The following NR2F1-AS1 variants were observed in gnomAD, a reference collection of about 807,000 sequenced individuals.
The protein encoded by NR2F1-AS1 is NR2F1 antisense RNA 1.
At chr5:93,551,688 T>C (rs1164718560) in intron 4 of NR2F1-AS1, among the ~76,000 whole-genome samples, 3 of 152,128 alleles carry the variant, frequency 2.0e-5, no homozygotes, top group Admixed American at 2.0e-4. Context: ...CTTTTCCAAC[T>C]TTAGACTGAT....
chr5:93,410,048 C>T (rs1748821018), intron 4 of NR2F1-AS1: 3 of 152,314 alleles, frequency 2.0e-5, no homozygotes, highest in Admixed American at 2.0e-4. Context: ...ATAGACACTA[C>T]ATAAAATGTC....
chr5:93,574,057 G>T (rs551620232), intron 1 of NR2F1-AS1, among the ~76,000 whole-genome samples: 2 of 152,342 alleles, frequency 1.3e-5, no homozygotes, highest in South Asian at 4.1e-4. Flanking sequence ...CAGCTCCATT[G>T]TCTGCAATTA....
chr5:93,496,423 T>C (rs1195295138), intron 4 of NR2F1-AS1, among the ~76,000 whole-genome samples: 1 of 152,296 alleles, frequency 6.6e-6, no homozygotes, highest in South Asian at 2.1e-4. Context: ...TTGGCCCTTG[T>C]AGAAGGACAC....
intron 4 of NR2F1-AS1, among the ~76,000 whole-genome samples, chr5:93,510,333 T>C (rs1351400814): frequency 6.6e-6 from 1 of 152,162 alleles, no homozygotes; most frequent in Non-Finnish European, 1.5e-5. Flanking sequence ...TTCTTTCAAA[T>C]GCATATGTAA....
chr5:93,483,694 G>T (rs1451731888), intron 4 of NR2F1-AS1, among the ~76,000 whole-genome samples: 2 of 152,058 alleles, frequency 1.3e-5, no homozygotes, highest in African/African-American at 2.4e-5. Flanking sequence ...AGGAAGCTAA[G>T]AACCTTGAAA....
intron 4 of NR2F1-AS1, among the ~76,000 whole-genome samples, chr5:93,466,348 T>C (rs1173360973): frequency 6.6e-6 from 1 of 151,846 alleles, no homozygotes; most frequent in Non-Finnish European, 1.5e-5. Context: ...TTTTTTTTCT[T>C]GAGACATGGT....
rs745809491 is a variant in NR2F1-AS1 at position 93,551,917 on chromosome 5, T to C, written n.638+1844A>G. Among the ~76,000 whole-genome samples the C allele has an allele frequency of 7.9e-5, 12 of 152,334 alleles. No homozygotes were observed. In the South Asian group the frequency reaches 1.0e-3, roughly 13 times the overall value. ...AATTATGGTGAGACCTTGGGAAAGA[T>C]ACTGTTTTCCACACTGAATATTCCC... On this transcript the variant is annotated intron_variant and non_coding_transcript_variant, in intron 4 of 5. Transcript: ENST00000660523.
At chr5:93,504,250 T>C (rs918786458) in intron 4 of NR2F1-AS1, among the ~76,000 whole-genome samples, 3 of 152,174 alleles carry the variant, frequency 2.0e-5, no homozygotes, top group Non-Finnish European at 2.9e-5. Context: ...CTTGAAGTCA[T>C]TTAAGCTTAA....
intron 4 of NR2F1-AS1, among the ~76,000 whole-genome samples, chr5:93,521,459 T>C (rs560992942): frequency 2.2e-4 from 34 of 152,224 alleles, no homozygotes; most frequent in Non-Finnish European, 4.3e-4. Context: ...TTGCAAACTA[T>C]GTACCCAACA....
At chr5:93,464,863 T>C (rs1354411233) in intron 4 of NR2F1-AS1, among the ~76,000 whole-genome samples, 1 of 152,164 alleles carries the variant, frequency 6.6e-6, no homozygotes, top group East Asian at 1.9e-4. Flanking sequence ...CAATGAGAAA[T>C]TGCTAGGAAA....
chr5:93,525,617 C>G (rs1181236564), intron 4 of NR2F1-AS1, among the ~76,000 whole-genome samples: 1 of 152,122 alleles, frequency 6.6e-6, no homozygotes, highest in Non-Finnish European at 1.5e-5. Context: ...AACAACATTC[C>G]TCAGCAAATG....
intron 4 of NR2F1-AS1, among the ~76,000 whole-genome samples, chr5:93,490,765 G>A (rs540635822): frequency 6.6e-6 from 1 of 151,398 alleles, no homozygotes; most frequent in African/African-American, 2.4e-5. Flanking sequence ...AGTCATGCTG[G>A]TGATGAGAGT....
intron 4 of NR2F1-AS1, among the ~76,000 whole-genome samples, chr5:93,453,210 G>A (rs947409603): frequency 2.6e-5 from 4 of 151,714 alleles, no homozygotes; most frequent in Non-Finnish European, 5.9e-5. Context: ...GAATAAAAGT[G>A]GCAGAATACA....
chr5:93,553,551 T>G (rs1365609058), intron 4 of NR2F1-AS1, among the ~76,000 whole-genome samples: 1 of 152,234 alleles, frequency 6.6e-6, no homozygotes, highest in South Asian at 2.1e-4. Context: ...TTTAAGTATA[T>G]TCACAGATAA....
intron 4 of NR2F1-AS1, among the ~76,000 whole-genome samples, chr5:93,457,422 G>C (rs925505761): frequency 6.6e-6 from 1 of 152,174 alleles, no homozygotes; most frequent in Admixed American, 6.5e-5. Flanking sequence ...GTCACAGCAC[G>C]TGTTTCTGCC....
chr5:93,572,986 C>G (rs1309251165), intron 1 of NR2F1-AS1, among the ~76,000 whole-genome samples: 3 of 152,338 alleles, frequency 2.0e-5, no homozygotes, highest in East Asian at 3.9e-4. Context: ...AGGGAGGTCT[C>G]CGCCCGACAA....
At chr5:93,451,591 G>A (rs191295605) in intron 4 of NR2F1-AS1, among the ~76,000 whole-genome samples, 8 of 151,968 alleles carry the variant, frequency 5.3e-5, no homozygotes, top group Admixed American at 4.6e-4. Flanking sequence ...TTTGTAGAGG[G>A]GGGGTTCTGC....
intron 4 of NR2F1-AS1, among the ~76,000 whole-genome samples, chr5:93,476,123 A>G (rs1443242297): frequency 6.6e-6 from 1 of 152,220 alleles, no homozygotes; most frequent in Non-Finnish European, 1.5e-5. Flanking sequence ...CGACTGATAG[A>G]ACACACAAAA....
intron 4 of NR2F1-AS1, among the ~76,000 whole-genome samples, chr5:93,458,584 T>C (rs1750005232): frequency 6.6e-6 from 1 of 152,034 alleles, no homozygotes; most frequent in African/African-American, 2.4e-5. Context: ...CAGAAGAAAA[T>C]ATATGAGGAA....
Sources: gnomAD v4.1 joint callset for allele counts (sites outside exome capture counted in the v4.1 genomes callset) on GRCh38, gnomAD v4.1.1 for gene constraint, MANE v1.5 for transcripts, NCBI Gene and HGNC (gene_info 2026-07-23, HGNC 2026-07-21) for gene names.